KIRREL3: variants seen among roughly 807,000 people sequenced by gnomAD.
KIRREL3 encodes the protein kirre like nephrin family adhesion molecule 3, also known as kin of IRRE-like protein 3.
A neutral mutation model predicts 89.7 loss-of-function variants in KIRREL3; 36 were observed. The observed-to-expected ratio is 0.40, with a 90% CI of 0.31 to 0.53. The LOEUF is 0.53. Ranked by LOEUF, KIRREL3 falls within the 20% of genes least tolerant of loss-of-function variation. The pLI, the probability that KIRREL3 is intolerant of heterozygous loss-of-function variation, is 0.49. For synonymous variants in KIRREL3, 445 were observed against 441.4 expected, an observed-to-expected ratio of 1.01 and a Z score of -0.10; for missense variants, 864 against 1,056.6, an observed-to-expected ratio of 0.82 and a Z score of 2.53.
In KIRREL3 at chr11:126,642,322, T is replaced by C. The variant is rs1944502534; in HGVS notation, c.56-79410A>G. On this transcript the variant is annotated intron_variant, in intron 1 of 16. Transcript: ENST00000525144. This position sits in a 1 kb window ranked among gnomAD's most constrained non-coding sequence, Gnocchi z 4.9. ...GCTCTGTTTGCGCCAAGTCTCCCTG[T>C]AAACACTGTGGTTATGCCCACACTA... is the stretch of plus-strand genomic sequence containing the variant. Among the ~76,000 whole-genome samples the C allele has an allele frequency of 6.6e-6, 1 of 152,210 alleles. No individual in the cohort carries two copies. The highest frequency in any genetic ancestry group is 2.4e-5 in the African/African-American group (1 of 41,454).
intron 1 of KIRREL3, among the ~76,000 whole-genome samples, chr11:126,881,147 C>T (rs1945478610): frequency 6.6e-6 from 1 of 152,194 alleles, no homozygotes; most frequent in East Asian, 1.9e-4. Context: ...TCCCCTCCAC[C>T]AATCACAGTG....
At position 126,579,868 on chromosome 11, in the gene KIRREL3, C is replaced by T. The variant is rs1359217698; in HGVS notation, c.56-16956G>A. Among the ~76,000 whole-genome samples, 1 of 147,108 alleles carries T rather than the reference C, an allele frequency of 6.8e-6. No homozygotes were observed. Among genetic ancestry groups the T allele is most frequent in the East Asian group, 2.0e-4 (1 of 4,994 alleles). On this transcript the variant is annotated intron_variant, in intron 1 of 16. Transcript: ENST00000525144. The surrounding 1 kb of genome is among the most constrained non-coding windows in gnomAD (Gnocchi z 5.3). ...GCCAAGTCATTTTTTTTTTTTGAGG[C>T]AGAGTCTTGCTCTGTCACCCAGGCT...
At chr11:126,629,894 C>T (rs540652683) in intron 1 of KIRREL3, among the ~76,000 whole-genome samples, 4 of 152,284 alleles carry the variant, frequency 2.6e-5, no homozygotes, top group Non-Finnish European at 5.9e-5. Context: ...CTATACTCTT[C>T]CTTGTATTAC....
chr11:126,987,432 T>A lies in KIRREL3; in HGVS notation c.55+13023A>T, dbSNP rs1281731087. Among the ~76,000 whole-genome samples, 1 of 152,238 alleles carries A rather than the reference T, an allele frequency of 6.6e-6. No individual in the cohort carries two copies. Among genetic ancestry groups the A allele is most frequent in the Non-Finnish European group, 1.5e-5 (1 of 68,038 alleles). ...TAAGAGTGAAAGGTAGATTTCCTGT[T>A]ATTTTCACAGACAAACAGGAGAGGT... On this transcript the variant is annotated intron_variant, in intron 1 of 16. Coordinates refer to ENST00000525144, the MANE Select transcript of KIRREL3 (RefSeq NM_032531.4). The surrounding 1 kb of genome is among the most constrained non-coding windows in gnomAD (Gnocchi z 4.6).
intron 1 of KIRREL3, among the ~76,000 whole-genome samples, chr11:126,680,110 C>T (rs1183988565): frequency 1.3e-5 from 2 of 152,170 alleles, no homozygotes; most frequent in Non-Finnish European, 2.9e-5. Context: ...ATGAATTTCT[C>T]AAAACACATG....
At position 126,804,517 on chromosome 11, in the gene KIRREL3, T is replaced by C. The variant is rs1951142618; in HGVS notation, c.55+195938A>G. Among the ~76,000 whole-genome samples, 5 of 152,172 alleles carry C rather than the reference T, an allele frequency of 3.3e-5. No individual in the cohort carries two copies. The South Asian group carries it at 1.0e-3, about 32-fold the overall frequency. ...ACCCACTTAGACTCTTGTGGGAAGA[T>C]GTCAGCAGAAGTGAGTCTGAGTCCT... On this transcript the variant is annotated intron_variant, in intron 1 of 16. Transcript: ENST00000525144.
At chr11:126,825,403 A>G (rs949853945) in intron 1 of KIRREL3, among the ~76,000 whole-genome samples, 1 of 152,252 alleles carries the variant, frequency 6.6e-6, no homozygotes. Context: ...ATTAAAAAAC[A>G]AATTTGTGGT....
intron 1 of KIRREL3, among the ~76,000 whole-genome samples, chr11:126,810,618 A>G (rs1226419587): frequency 6.6e-6 from 1 of 152,182 alleles, no homozygotes; most frequent in African/African-American, 2.4e-5. Flanking sequence ...CTCTGTGCTC[A>G]GGCCCTACAC....
At chr11:126,690,170 C>T (rs952569556) in intron 1 of KIRREL3, among the ~76,000 whole-genome samples, 1 of 152,140 alleles carries the variant, frequency 6.6e-6, no homozygotes, top group Admixed American at 6.5e-5. Context: ...ATCTGTAGTG[C>T]GGACTATGTG....
chr11:126,910,307 C>G (rs1037247241), intron 1 of KIRREL3, among the ~76,000 whole-genome samples: 1 of 152,094 alleles, frequency 6.6e-6, no homozygotes, highest in Non-Finnish European at 1.5e-5. Context: ...AAGAGGCAGC[C>G]AAGGTACAGT....
Position 126,667,938 on chromosome 11 carries a change from A to C in KIRREL3, c.56-105026T>G, listed in dbSNP as rs1945737283. On this transcript the variant is annotated intron_variant, in intron 1 of 16. Coordinates refer to ENST00000525144, the MANE Select transcript of KIRREL3 (RefSeq NM_032531.4). The stretch of plus-strand genomic sequence containing the variant: ...CCTGGAGCTCTTGCATCTTGGAGAA[A>C]AATCCTGTAGCTTCTTTCTCTGGGG... 2.0e-5 allele frequency among the ~76,000 whole-genome samples: 3 copies of C among 152,082 alleles called. No individual in the cohort carries two copies. The South Asian group carries it at 6.2e-4, about 32-fold the overall frequency.
chr11:126,998,916 AGTGTGTGTGTGT>A (rs10561880), intron 1 of KIRREL3, among the ~76,000 whole-genome samples: 29 of 141,344 alleles, frequency 2.1e-4, no homozygotes, highest in African/African-American at 5.2e-4. Flanking sequence ...GACGAATGGG[AGTGTGTGTGTGT>A]GTGTGTGTGT....
rs1950133767 is a variant in KIRREL3 at position 126,994,873 on chromosome 11, C to T, written c.55+5582G>A. On this transcript the variant is annotated intron_variant, in intron 1 of 16. Transcript: ENST00000525144. The surrounding 1 kb of genome is among the most constrained non-coding windows in gnomAD (Gnocchi z 5.2). ...AGATGGCAGGACATAGCATCCCTTC[C>T]CCAACCATGAGAGAAGTATTCTGAT... 6.6e-6 allele frequency among the ~76,000 whole-genome samples: 1 copy of T among 152,144 alleles called. No individual in the cohort carries two copies.
chr11:126,551,520 G>T lies in KIRREL3; in HGVS notation c.133+11315C>A, dbSNP rs59826922. ...GAAACATGTCTAGATACATCATCAC[G>T]CCTCAGGCCATGCCCTGACTTTCAA... On this transcript the variant is annotated intron_variant, in intron 2 of 16. Transcript: ENST00000525144. This position sits in a 1 kb window ranked among gnomAD's most constrained non-coding sequence, Gnocchi z 4.9. Among the ~76,000 whole-genome samples, 1 of 151,844 alleles carries T rather than the reference G, an allele frequency of 6.6e-6. No homozygotes were observed. Among genetic ancestry groups the T allele is most frequent in the Non-Finnish European group, 1.5e-5 (1 of 67,992 alleles).
chr11:126,942,584 G>A (rs1019270535), intron 1 of KIRREL3, among the ~76,000 whole-genome samples: 4 of 152,198 alleles, frequency 2.6e-5, no homozygotes, highest in Non-Finnish European at 5.9e-5. Flanking sequence ...GCACTGTGGA[G>A]TGACAGCCAG....
chr11:126,437,551 TCA>T lies in KIRREL3; in HGVS notation c.1354-544_1354-543del, dbSNP rs745527314. Among the ~76,000 whole-genome samples, 24 of 151,064 alleles carry T rather than the reference TCA, an allele frequency of 1.6e-4. No individual in the cohort carries two copies. The East Asian group carries it at 3.7e-3, about 23-fold the overall frequency. Reference sequence around the variant, plus strand: ...TGCACACACCAAAGCACACAACACATCACAGTGCACACATGCCTGCACATATG... The same window carrying T: ...TGCACACACCAAAGCACACAACACATCAGTGCACACATGCCTGCACATATG... On this transcript the variant is annotated intron_variant, in intron 11 of 16. Transcript: ENST00000525144.
intron 1 of KIRREL3, among the ~76,000 whole-genome samples, chr11:126,728,927 AGC>A (rs5795518): frequency 0.74 from 111,938 of 151,956 alleles, 41,668 homozygotes; most frequent in East Asian, 0.98. Flanking sequence ...AGCAGACGCT[AGC>A]TCCAAAGCTT....
intron 4 of KIRREL3, among the ~76,000 whole-genome samples, chr11:126,483,926 A>G (rs908937046): frequency 1.3e-5 from 2 of 152,084 alleles, no homozygotes; most frequent in African/African-American, 4.8e-5. Flanking sequence ...TCTTCTCTCA[A>G]TCTCAACCCC....
In KIRREL3 at chr11:126,445,010, G is replaced by A. The variant is rs762390375; in HGVS notation, c.1221C>T (p.Ala407=). The A allele has an allele frequency of 2.0e-5, 32 of 1,613,750 alleles. No individual in the cohort carries two copies. The highest frequency in any genetic ancestry group is 7.7e-5 in the South Asian group (7 of 91,066). The change falls in exon 10 of 17, where the codon GCC becomes GCT. Residue 407 remains alanine, a synonymous_variant. Coordinates refer to ENST00000525144, the MANE Select transcript of KIRREL3 (RefSeq NM_032531.4). ...CGGTCAGGGTCACCTCTCTCTCCCC[G>A]GCTCCCACACGGGGCACCACAGCCC... ...VCRAVVPRVG[A]GEREVTLTVN... is the part of the protein sequence containing the mutation.
Sources: allele counts gnomAD v4.1 joint callset (sites outside exome capture counted in the v4.1 genomes callset), GRCh38; gene constraint gnomAD v4.1.1; non-coding constraint Gnocchi (gnomAD v3.1); transcripts MANE v1.5; gene names NCBI Gene and HGNC (gene_info 2026-07-23, HGNC 2026-07-21).